The following TNS1 variants were observed in gnomAD, a reference collection of about 807,000 sequenced individuals.
TNS1 encodes tensin 1, also known as tensin-1.
A neutral mutation model predicts 168.6 loss-of-function variants in TNS1; 62 were observed. That is an observed-to-expected ratio of 0.37 (90% CI 0.30 to 0.45). The LOEUF is 0.45. TNS1 is among the 20% of genes least tolerant of loss of function. The pLI is 1.00. For missense variants in TNS1, 2,240 were observed against 2,339.4 expected, an observed-to-expected ratio of 0.96 and a Z score of 0.88; for synonymous variants, 934 against 933.2, an observed-to-expected ratio of 1.00 and a Z score of -0.02.
At chr2:217,931,856 C>T (rs1016689879) in intron 3 of TNS1, among the ~76,000 whole-genome samples, 6 of 152,190 alleles carry the variant, frequency 3.9e-5, no homozygotes, top group African/African-American at 9.7e-5. Context: ...AAGTGCCTTA[C>T]ATTTTTGACT....
At chr2:217,829,792 A>G (rs1396112998) in intron 22 of TNS1, 1 of 1,611,626 alleles carries the variant, frequency 6.2e-7, no homozygotes, top group Non-Finnish European at 8.5e-7. Flanking sequence ...CCCTGCTTTG[A>G]AAAGCCATTT....
In TNS1 at chr2:217,813,847, G is replaced by A. The variant is rs758456337; in HGVS notation, c.4730-31C>T. The A allele has an allele frequency of 3.2e-6, 5 of 1,565,046 alleles. No homozygotes were observed. The highest frequency in any genetic ancestry group is 1.7e-6 in the Non-Finnish European group (2 of 1,153,942). ...TGGGGAAGGGACAAGGAGAGAGGAG[G>A]AAGCAAGACCTCGGTGGCGCTAGTT... is the stretch of plus-strand genomic sequence containing the variant. On this transcript the variant is annotated intron_variant, in intron 25 of 32. Transcript: ENST00000682258. The surrounding 1 kb of genome is among the most constrained non-coding windows in gnomAD (Gnocchi z 4.0).
chr2:217,829,415 G>A (rs1944084121), intron 22 of TNS1, among the ~76,000 whole-genome samples: 1 of 152,246 alleles, frequency 6.6e-6, no homozygotes, highest in South Asian at 2.1e-4. Flanking sequence ...AGGCCAAAAC[G>A]TCAGTGGTGC....
chr2:217,958,451 G>A (rs1178912416), intron 3 of TNS1, among the ~76,000 whole-genome samples: 1 of 152,354 alleles, frequency 6.6e-6, no homozygotes, highest in South Asian at 2.1e-4. Context: ...CAGAGGAAGA[G>A]CACGCTGGCG....
At chr2:217,906,011 C>T (rs147337281) in intron 6 of TNS1, among the ~76,000 whole-genome samples, 2 of 152,216 alleles carry the variant, frequency 1.3e-5, no homozygotes, top group Non-Finnish European at 2.9e-5. Flanking sequence ...CCTCAGCCCT[C>T]GGTTTCCCTT....
chr2:217,982,837 CCTGGGTCCTACCTTG>C (rs1958090002), intron 2 of TNS1, among the ~76,000 whole-genome samples: 1 of 152,214 alleles, frequency 6.6e-6, no homozygotes, highest in Non-Finnish European at 1.5e-5. Flanking sequence ...GAGGCCATCT[CCTGGGTCCTACCTTG>C]CTGCTTGGTG....
chr2:217,933,733 G>C (rs1956450707), intron 3 of TNS1, among the ~76,000 whole-genome samples: 1 of 152,172 alleles, frequency 6.6e-6, no homozygotes, highest in Admixed American at 6.5e-5. Context: ...CCTCACACTT[G>C]CCTGTCCCAT....
intron 19 of TNS1, among the ~76,000 whole-genome samples, chr2:217,844,345 T>C (rs1405400361): frequency 6.6e-6 from 1 of 152,086 alleles, no homozygotes; most frequent in Admixed American, 6.6e-5. Flanking sequence ...TCAGCTCTGG[T>C]CATGGCATGT....
intron 1 of TNS1, among the ~76,000 whole-genome samples, chr2:217,996,585 T>C (rs1367791956): frequency 6.6e-6 from 1 of 151,990 alleles, no homozygotes; most frequent in Non-Finnish European, 1.5e-5. Flanking sequence ...CACTCTCAAC[T>C]CCTCCCTGCA....
intron 28 of TNS1, among the ~76,000 whole-genome samples, chr2:217,811,408 A>G (rs1940870792): frequency 3.3e-5 from 5 of 152,236 alleles, no homozygotes; most frequent in Admixed American, 3.3e-4. Flanking sequence ...ATATTGGTCC[A>G]TTACCATTAA....
intron 4 of TNS1, among the ~76,000 whole-genome samples, chr2:217,917,985 T>C (rs1424357110): frequency 6.6e-6 from 1 of 151,818 alleles, no homozygotes; most frequent in Non-Finnish European, 1.5e-5. Context: ...TGAAACAGAA[T>C]GAGTGAGGTG....
chr2:217,977,257 G>A (rs1957918603), intron 3 of TNS1, among the ~76,000 whole-genome samples: 1 of 152,316 alleles, frequency 6.6e-6, no homozygotes, highest in Admixed American at 6.5e-5. Context: ...GAGGTGGAAG[G>A]AGAAGCAGAA....
chr2:218,033,953 A>T lies in TNS1; in HGVS notation c.23T>A (p.Val8Glu), dbSNP rs377030769. ...TCCGGGCCGCAGCTCTTCGCAGCAC[A>T]CCAGGCTCACAGTGCAGCCCATCCG... Residue 8 changes from valine to glutamate, a missense_variant, in exon 1 of 2, where the codon GTG becomes GAG. Transcript: ENST00000649572. This position sits in a 1 kb window ranked among gnomAD's most constrained non-coding sequence, Gnocchi z 4.3. Among the ~76,000 whole-genome samples the T allele has an allele frequency of 2.0e-5, 3 of 152,154 alleles. No individual in the cohort carries two copies. Among genetic ancestry groups the T allele is most frequent in the Non-Finnish European group, 2.9e-5 (2 of 68,014 alleles).
At chr2:217,810,138 A>G in intron 29 of TNS1, 110 bp downstream of exon 29, 1 of 1,455,994 alleles carries the variant, frequency 6.9e-7, no homozygotes, top group East Asian at 2.3e-5. Context: ...TGATCTTCCC[A>G]GAGACATTTG....
At chr2:218,021,699 C>T (rs2106009662) in intron 1 of TNS1, among the ~76,000 whole-genome samples, 1 of 152,354 alleles carries the variant, frequency 6.6e-6, no homozygotes, top group East Asian at 1.9e-4. Flanking sequence ...TCCATCCAGG[C>T]TTCCAATTGC....
At chr2:217,966,091 C>T (rs1957620633) in intron 3 of TNS1, among the ~76,000 whole-genome samples, 1 of 152,196 alleles carries the variant, frequency 6.6e-6, no homozygotes, top group African/African-American at 2.4e-5. Flanking sequence ...CTCTCTAACT[C>T]CTCTGGTCTC....
chr2:217,993,846 G>A (rs865843047), intron 1 of TNS1, among the ~76,000 whole-genome samples: 4 of 152,188 alleles, frequency 2.6e-5, no homozygotes, highest in African/African-American at 7.2e-5. Flanking sequence ...AACGGTGGTG[G>A]GGCATCATGT....
chr2:217,970,849 G>A (rs947838808), intron 3 of TNS1, among the ~76,000 whole-genome samples: 8 of 151,862 alleles, frequency 5.3e-5, no homozygotes, highest in African/African-American at 1.9e-4. Flanking sequence ...TCATTGAATT[G>A]TACACTTTAA....
At position 217,836,198 on chromosome 2, in the gene TNS1, C is replaced by T. The variant is rs750872984; in HGVS notation, c.3021G>A (p.Arg1007=). 6.2e-7 allele frequency: 1 copy of T among 1,611,022 alleles called. No homozygotes were observed. The highest frequency in any genetic ancestry group is 8.5e-7 in the Non-Finnish European group (1 of 1,178,472). The part of the protein sequence containing the change: ...VAHRVAGVQA[R]EKQPAEPPAP... ...CTGGGGGCTCTGCAGGCTGCTTCTC[C>T]CGAGCCTGTACCCCTGGGAGGAAAG... is the stretch of plus-strand genomic sequence containing the variant. Residue 1007 remains arginine (R), a synonymous_variant, in exon 20 of 33, where the codon CGG becomes CGA. Transcript: ENST00000682258.
Sources: allele counts gnomAD v4.1 joint callset (sites outside exome capture counted in the v4.1 genomes callset), GRCh38; gene constraint gnomAD v4.1.1; non-coding constraint Gnocchi (gnomAD v3.1); transcripts MANE v1.5; gene names NCBI Gene and HGNC (gene_info 2026-07-23, HGNC 2026-07-21).